Variants in TMEM135 observed in about 807,000 individuals in gnomAD.
TMEM135 encodes the protein peroxisomal membrane protein 52.
A neutral mutation model predicts 60.3 loss-of-function variants in TMEM135; 30 were observed. The ratio of observed to expected loss-of-function variants is 0.50; its 90% CI spans 0.37 to 0.68. The LOEUF (loss-of-function observed/expected upper bound fraction) is 0.68, where lower values mean the gene tolerates loss of function less well. Ranked by LOEUF, TMEM135 falls within the 30% of genes least tolerant of loss-of-function variation. The pLI, the probability that TMEM135 is intolerant of heterozygous loss-of-function variation, is 0.00. For synonymous variants in TMEM135, 190 were observed against 186.7 expected (o/e 1.02, Z -0.14); for missense variants, 468 against 548.8 (o/e 0.85, Z 1.47).
chr11:87,263,498 C>T (rs1386435902), intron 6 of TMEM135, among the ~76,000 whole-genome samples: 1 of 152,086 alleles, frequency 6.6e-6, no homozygotes, highest in African/African-American at 2.4e-5. Context: ...ACTCTAGGAA[C>T]TGGTTGACAT....
chr11:87,235,810 A>G (rs1940982281), intron 5 of TMEM135, among the ~76,000 whole-genome samples: 1 of 151,988 alleles, frequency 6.6e-6, no homozygotes, highest in African/African-American at 2.4e-5. Context: ...GGTTCCTTCA[A>G]CATACCATCT....
At chr11:87,073,724 A>G (rs1224060235) in intron 3 of TMEM135, among the ~76,000 whole-genome samples, 2 of 151,322 alleles carry the variant, frequency 1.3e-5, no homozygotes, top group East Asian at 1.9e-4. Flanking sequence ...CTGGAGTGCA[A>G]TGGTGCAATC....
chr11:87,126,251 C>G (rs987890943), intron 4 of TMEM135, among the ~76,000 whole-genome samples: 1 of 152,062 alleles, frequency 6.6e-6, no homozygotes, highest in Non-Finnish European at 1.5e-5. Context: ...TAATATTTAT[C>G]AGTAGGCTCT....
At chr11:87,072,888 C>T (rs959190468) in intron 3 of TMEM135, among the ~76,000 whole-genome samples, 2 of 152,126 alleles carry the variant, frequency 1.3e-5, no homozygotes, top group Non-Finnish European at 1.5e-5. Context: ...AGGAATTTAT[C>T]CACCTTTGTC....
intron 4 of TMEM135, among the ~76,000 whole-genome samples, chr11:87,127,395 G>A (rs1470028072): frequency 6.6e-6 from 1 of 152,122 alleles, no homozygotes; most frequent in Non-Finnish European, 1.5e-5. Context: ...AAGATTCATG[G>A]CCTCCAGGTT....
chr11:87,274,372 G>A (rs1166633954), intron 6 of TMEM135, among the ~76,000 whole-genome samples: 3 of 152,118 alleles, frequency 2.0e-5, no homozygotes, highest in Non-Finnish European at 4.4e-5. Flanking sequence ...AACAGTCTCT[G>A]CCCTCTTCCC....
At chr11:87,149,263 G>T (rs1436417469) in intron 4 of TMEM135, among the ~76,000 whole-genome samples, 3 of 152,118 alleles carry the variant, frequency 2.0e-5, no homozygotes, top group African/African-American at 7.2e-5. Flanking sequence ...CAACAACAAA[G>T]ATCTGTGTTT....
intron 4 of TMEM135, among the ~76,000 whole-genome samples, chr11:87,137,767 T>G (rs1005820182): frequency 6.6e-6 from 1 of 152,158 alleles, no homozygotes; most frequent in African/African-American, 2.4e-5. Context: ...ATTTTCATTA[T>G]GTTAAAAGAA....
At chr11:87,160,694 A>G (rs922465043) in intron 5 of TMEM135, among the ~76,000 whole-genome samples, 1 of 152,216 alleles carries the variant, frequency 6.6e-6, no homozygotes, top group Admixed American at 6.6e-5. Context: ...AATGACTTTT[A>G]TGCATTCTAA....
chr11:87,078,695 C>T (rs1262504782), intron 3 of TMEM135, among the ~76,000 whole-genome samples: 1 of 151,938 alleles, frequency 6.6e-6, no homozygotes, highest in Non-Finnish European at 1.5e-5. Flanking sequence ...GCTTTTGCAA[C>T]CTCCACCTCC....
At chr11:87,158,721 C>T (rs1478843159) in intron 5 of TMEM135, among the ~76,000 whole-genome samples, 1 of 152,162 alleles carries the variant, frequency 6.6e-6, no homozygotes, top group Non-Finnish European at 1.5e-5. Context: ...GTCTTGGCCT[C>T]CCAAAGTGCT....
intron 12 of TMEM135, among the ~76,000 whole-genome samples, chr11:87,316,136 A>G (rs551265162): frequency 6.6e-5 from 10 of 152,126 alleles, no homozygotes; most frequent in South Asian, 4.1e-4. Context: ...TTCGCAGTGA[A>G]TGGAGCTAGA....
intron 6 of TMEM135, among the ~76,000 whole-genome samples, chr11:87,287,863 G>A (rs972889882): frequency 6.6e-6 from 1 of 152,080 alleles, no homozygotes; most frequent in Non-Finnish European, 1.5e-5. Context: ...TAGTAAAGTT[G>A]ACTAGTTTGA....
chr11:87,087,174 A>G (rs1197915178), intron 3 of TMEM135, among the ~76,000 whole-genome samples: 1 of 152,114 alleles, frequency 6.6e-6, no homozygotes, highest in Admixed American at 6.5e-5. Context: ...TGGGGGTAAG[A>G]ACAGCTCAAA....
At chr11:87,312,034 ATC>A (rs1370169835) in intron 10 of TMEM135, among the ~76,000 whole-genome samples, 3 of 151,656 alleles carry the variant, frequency 2.0e-5, no homozygotes, top group South Asian at 4.1e-4. Context: ...GAATCTGATC[ATC>A]TCTGTCTTCT....
At position 87,324,623 on chromosome 11, in the gene TMEM135, G is replaced by T. The variant is rs1372668204; in HGVS notation, c.*3290G>T. On this transcript the variant is annotated 3_prime_UTR_variant, in exon 15 of 15. Transcript: ENST00000305494. ...TTTATTTTTTTTTTGTAGAAACAAG[G>T]TGTTGCTATGTTGTCCAGGCTGGTC... 1.8e-5 allele frequency: 8 copies of T among 441,588 alleles called. No homozygotes were observed. Among genetic ancestry groups the T allele is most frequent in the East Asian group, 1.4e-4 (2 of 14,330 alleles). 27.4% of individuals were successfully genotyped at this position (441,588 alleles called of 1,614,324 possible). A position where few individuals can be genotyped will look rare whatever the true frequency, so the allele number is the denominator to read the frequency against.
chr11:87,208,194 G>T (rs894334030), intron 5 of TMEM135, among the ~76,000 whole-genome samples: 1 of 152,142 alleles, frequency 6.6e-6, no homozygotes, highest in Non-Finnish European at 1.5e-5. Flanking sequence ...CCAAACGATC[G>T]CAATAGCTCC....
intron 6 of TMEM135, among the ~76,000 whole-genome samples, chr11:87,252,631 GC>G (rs1000306839): frequency 3.9e-5 from 6 of 151,922 alleles, no homozygotes; most frequent in African/African-American, 7.2e-5. Flanking sequence ...AATTAGCCAG[GC>G]ATGGGGCACA....
At chr11:87,256,134 A>G (rs762947092) in intron 6 of TMEM135, among the ~76,000 whole-genome samples, 2 of 152,076 alleles carry the variant, frequency 1.3e-5, no homozygotes, top group Admixed American at 6.5e-5. Context: ...TGAGGTTTTG[A>G]AGTTATAAAC....
Sources: gnomAD v4.1 joint callset for allele counts (sites outside exome capture counted in the v4.1 genomes callset) on GRCh38, gnomAD v4.1.1 for gene constraint, MANE v1.5 for transcripts, NCBI Gene and HGNC (gene_info 2026-07-23, HGNC 2026-07-21) for gene names.